Variants in LARGE1 observed in about 807,000 individuals in gnomAD.
LARGE1 encodes the protein xylosyl- and glucuronyltransferase LARGE1.
LARGE1 carries 43 observed loss-of-function variants against 87.6 expected under a neutral mutation model. The ratio of observed to expected loss-of-function variants is 0.49; its 90% confidence interval spans 0.38 to 0.63. The LOEUF is 0.63. LARGE1 is among the 30% of genes least tolerant of loss of function. The pLI, the probability that LARGE1 is intolerant of heterozygous loss-of-function variation, is 0.00. For synonymous variants in LARGE1, 434 were observed against 394.6 expected, an observed-to-expected ratio of 1.10 and a Z score of -1.18; for missense variants, 802 against 1,000.2, an observed-to-expected ratio of 0.80 and a Z score of 2.67.
chr22:33,573,376 T>A (rs1316949159), intron 5 of LARGE1, among the ~76,000 whole-genome samples: 1 of 151,770 alleles, frequency 6.6e-6, no homozygotes, highest in Non-Finnish European at 1.5e-5. Flanking sequence ...GAGGTGGGGG[T>A]TGCAGTGAGC....
chr22:33,286,367 G>T (rs1931536674), intron 12 of LARGE1, among the ~76,000 whole-genome samples: 1 of 152,096 alleles, frequency 6.6e-6, no homozygotes, highest in South Asian at 2.1e-4. Context: ...TATTGGGGGT[G>T]GGATATATGG....
intron 1 of LARGE1, among the ~76,000 whole-genome samples, chr22:33,888,159 G>A (rs1462513822): frequency 6.6e-6 from 1 of 152,024 alleles, no homozygotes; most frequent in Non-Finnish European, 1.5e-5. Context: ...CCAAAGCAAT[G>A]CCTCACCTAG....
At chr22:33,583,937 A>G (rs138304779) in intron 5 of LARGE1, among the ~76,000 whole-genome samples, 82 of 152,308 alleles carry the variant, frequency 5.4e-4, no homozygotes, top group African/African-American at 1.8e-3. Context: ...CTATACTGAT[A>G]CTGAAACCTC....
At chr22:33,882,906 CTCACGTGCGTCTACA>C (rs572022204) in intron 1 of LARGE1, among the ~76,000 whole-genome samples, 7 of 152,238 alleles carry the variant, frequency 4.6e-5, no homozygotes, top group African/African-American at 1.7e-4. Context: ...TCCAATTTTC[CTCACGTGCGTCTACA>C]AATCACCCCC....
intron 2 of LARGE1, among the ~76,000 whole-genome samples, chr22:33,724,556 G>A (rs2083207964): frequency 6.6e-6 from 1 of 152,162 alleles, no homozygotes; most frequent in African/African-American, 2.4e-5. Flanking sequence ...GAGAAGGGAA[G>A]AGTTGATATA....
chr22:33,773,307 C>T (rs948695749), intron 1 of LARGE1, among the ~76,000 whole-genome samples: 4 of 152,348 alleles, frequency 2.6e-5, no homozygotes, highest in Admixed American at 1.3e-4. Flanking sequence ...AAGCCGCACG[C>T]AATATGCTCT....
chr22:33,352,837 T>C (rs546913354), intron 9 of LARGE1, among the ~76,000 whole-genome samples: 1 of 152,318 alleles, frequency 6.6e-6, no homozygotes, highest in South Asian at 2.1e-4. Context: ...AAACTCTTTA[T>C]GCTACCTTTT....
intron 4 of LARGE1, 72 bp from the exon 5 acceptor site, chr22:33,604,630 C>T (rs2079203932): frequency 6.3e-7 from 1 of 1,592,630 alleles, no homozygotes; most frequent in East Asian, 2.2e-5. Context: ...CAAAAACACA[C>T]TCTTCACAGT....
At chr22:33,818,461 A>T (rs5754696) in intron 1 of LARGE1, among the ~76,000 whole-genome samples, 5 of 151,920 alleles carry the variant, frequency 3.3e-5, no homozygotes, top group African/African-American at 1.2e-4. Flanking sequence ...AGAAAAGAGG[A>T]GGGGAGGAAG....
At chr22:33,580,482 G>T (rs73882273) in intron 5 of LARGE1, among the ~76,000 whole-genome samples, 1 of 152,092 alleles carries the variant, frequency 6.6e-6, no homozygotes, top group Admixed American at 6.6e-5. Context: ...TCGAGCTGCT[G>T]GTTCATTCTG....
intron 9 of LARGE1, among the ~76,000 whole-genome samples, chr22:33,341,063 C>T (rs79812642): frequency 0.016 from 2,317 of 148,980 alleles, 129 homozygotes; most frequent in African/African-American, 0.056. Context: ...TCCCATTCCC[C>T]CACAAAATTC....
intron 1 of LARGE1, among the ~76,000 whole-genome samples, chr22:33,766,235 C>T (rs1171726649): frequency 1.3e-5 from 2 of 152,064 alleles, no homozygotes; most frequent in Non-Finnish European, 2.9e-5. Flanking sequence ...GGAGGCCTCC[C>T]CACCTGTTAA....
At chr22:33,562,996 G>A (rs1056666593) in intron 6 of LARGE1, 4 of 152,800 alleles carry the variant, frequency 2.6e-5, no homozygotes, top group African/African-American at 7.2e-5. Context: ...CTAGGCAGAG[G>A]GGAAAATCAG....
chr22:33,470,464 C>T (rs149465253), intron 6 of LARGE1, among the ~76,000 whole-genome samples: 188 of 152,320 alleles, frequency 1.2e-3, no homozygotes, highest in African/African-American at 4.3e-3. Context: ...GAATAATAAA[C>T]AGGAATGAGC....
At chr22:33,634,841 A>G (rs1395994677) in intron 3 of LARGE1, among the ~76,000 whole-genome samples, 1 of 65,350 alleles carries the variant, frequency 1.5e-5, no homozygotes, top group African/African-American at 6.4e-5. Context: ...CTGAGCTAAG[A>G]ATCCCGGGCC....
chr22:33,871,708 TTC>T (rs1487345405), intron 1 of LARGE1, among the ~76,000 whole-genome samples: 1 of 152,118 alleles, frequency 6.6e-6, no homozygotes, highest in Non-Finnish European at 1.5e-5. Context: ...TCTTCCCTCA[TTC>T]TCTTTTTTCT....
chr22:33,672,400 C>T (rs1401842573), intron 2 of LARGE1, among the ~76,000 whole-genome samples: 3 of 152,178 alleles, frequency 2.0e-5, no homozygotes, highest in Non-Finnish European at 4.4e-5. Context: ...ACCTCTTGCC[C>T]CCACTTCCTT....
the LARGE1 span, among the ~76,000 whole-genome samples, chr22:33,069,936 T>G: frequency 6.6e-6 from 1 of 151,322 alleles, no homozygotes; most frequent in East Asian, 2.0e-4. Context: ...ACTATTCACC[T>G]GCCTCAGCCT....
intron 2 of LARGE1, among the ~76,000 whole-genome samples, chr22:33,756,721 G>A (rs1157569889): frequency 2.0e-5 from 3 of 152,184 alleles, no homozygotes; most frequent in Non-Finnish European, 4.4e-5. Context: ...AAGGAGCAGA[G>A]CGGTGCTCTG....
Sources: allele counts gnomAD v4.1 joint callset (sites outside exome capture counted in the v4.1 genomes callset), GRCh38; gene constraint gnomAD v4.1.1; transcripts MANE v1.5; gene names NCBI Gene and HGNC (gene_info 2026-07-23, HGNC 2026-07-21).